Variants in ARHGEF1 observed in about 807,000 individuals in gnomAD.
ARHGEF1 encodes the protein Rho guanine nucleotide exchange factor 1, also known as 115 kDa guanine nucleotide exchange factor.
A neutral mutation model predicts 119.7 loss-of-function variants in ARHGEF1; 40 were observed. That is an observed-to-expected ratio of 0.33 (90% CI 0.26 to 0.44). The LOEUF (loss-of-function observed/expected upper bound fraction) is 0.44. Ranked by LOEUF, ARHGEF1 falls within the 20% of genes least tolerant of loss-of-function variation. The pLI, the probability that ARHGEF1 is intolerant of heterozygous loss-of-function variation, is 1.00. For synonymous variants in ARHGEF1, 494 were observed against 521.0 expected, an observed-to-expected ratio of 0.95 and a Z score of 0.71; for missense variants, 976 against 1,268.3, an observed-to-expected ratio of 0.77 and a Z score of 3.50.
chr19:41,913,208 C>T (rs1035794878), intron 18 of ARHGEF1, among the ~76,000 whole-genome samples: 1 of 151,872 alleles, frequency 6.6e-6, no homozygotes, highest in African/African-American at 2.4e-5. Flanking sequence ...CCGCTCCCAG[C>T]CTCCCTCCCC....
At position 41,902,132 on chromosome 19, in the gene ARHGEF1, A is replaced by T; in HGVS notation, c.1414+99A>T. The T allele has an allele frequency of 6.4e-7, 1 of 1,564,008 alleles. No homozygotes were observed. The highest frequency in any genetic ancestry group is 8.7e-7 in the Non-Finnish European group (1 of 1,146,972). ...CCTGCTCGGGAACCCCAGGGTTCAC[A>T]TGGGGTGGGGGCAGATACGCCATCC... On this transcript the variant is annotated intron_variant, in intron 15 of 28. Transcript: ENST00000354532. This position sits in a 1 kb window ranked among gnomAD's most constrained non-coding sequence, Gnocchi z 6.5.
chr19:41,905,947 G>A lies in ARHGEF1; in HGVS notation c.2413G>A (p.Glu805Lys), dbSNP rs376841668. ...TCTGTTCCCCAATCCAGCCCGGACC[G>A]AGAGAATCCTCAGTGACCTCCTGCC... ...RETSPADART[E>K]RILSDLLPFC... Residue 805 changes from glutamate to lysine, a missense_variant, in exon 26 of 29, where the codon GAG becomes AAG. Coordinates refer to ENST00000354532, the MANE Select transcript of ARHGEF1 (RefSeq NM_004706.4). This position sits in a 1 kb window ranked among gnomAD's most constrained non-coding sequence, Gnocchi z 6.4. 82 of 1,613,980 alleles carry A rather than the reference G, an allele frequency of 5.1e-5. No individual in the cohort carries two copies. Among genetic ancestry groups the A allele is most frequent in the Non-Finnish European group, 6.1e-5 (72 of 1,180,014 alleles).
downstream of ARHGEF1, among the ~76,000 whole-genome samples, chr19:41,908,847 C>A (rs1330196445): frequency 1.3e-5 from 2 of 151,226 alleles, no homozygotes; most frequent in Admixed American, 6.6e-5. This position sits in a 1 kb window ranked among gnomAD's most constrained non-coding sequence, Gnocchi z 6.7. Context: ...CCCCACTTGT[C>A]TTCCCATTCC....
rs2074647081 is a variant in ARHGEF1, at chr19:41,903,931, C to T, written c.1918-104C>T. ...CCCACCTCATGCCAATCCCATGATC[C>T]CCAGCCTGTGGTCATCCCCGGCCAC... On this transcript the variant is annotated intron_variant, in intron 20 of 28. Transcript: ENST00000354532. This position sits in a 1 kb window ranked among gnomAD's most constrained non-coding sequence, Gnocchi z 4.2. The T allele has an allele frequency of 2.9e-6, 4 of 1,385,558 alleles. No individual in the cohort carries two copies. The South Asian group carries it at 3.6e-5, about 13-fold the overall frequency. 85.8% of individuals were successfully genotyped at this position (1,385,558 alleles called of 1,614,324 possible).
Position 41,897,167 on chromosome 19 carries a change from G to A in ARHGEF1, c.1121+685G>A, listed in dbSNP as rs782681866. The A allele has an allele frequency of 1.8e-4, 127 of 694,762 alleles. No individual in the cohort carries two copies. The Middle Eastern group carries it at 2.1e-3, about 12-fold the overall frequency. The allele number at this position is 694,762 out of a possible 1,614,324, so 43.0% of individuals were successfully genotyped here. ...CCCCCACCCCTCTGCTCTGTGCCCTGGGGGCCCTGTCCCCCTTACAGCTGG... is the reference window on the plus strand; with the variant it reads ...CCCCCACCCCTCTGCTCTGTGCCCTAGGGGCCCTGTCCCCCTTACAGCTGG... On this transcript the variant is annotated intron_variant, in intron 13 of 28. Transcript: ENST00000354532.
chr19:41,902,265 C>A lies in ARHGEF1; in HGVS notation c.1415-9C>A, dbSNP rs1291220669. The A allele has an allele frequency of 3.7e-6, 6 of 1,614,026 alleles. No individual in the cohort carries two copies. Among genetic ancestry groups the A allele is most frequent in the Non-Finnish European group, 5.1e-6 (6 of 1,179,922 alleles). On this transcript the variant is annotated splice_polypyrimidine_tract_variant and intron_variant, in intron 15 of 28. Transcript: ENST00000354532. The surrounding 1 kb of genome is among the most constrained non-coding windows in gnomAD (Gnocchi z 6.5). Reference sequence around the variant, plus strand: ...CTGGTGGAGCATCCCTTTCCTCCTGCCCCCACAGCCCTGTTCCTCGATCGC... The same window carrying A: ...CTGGTGGAGCATCCCTTTCCTCCTGACCCCACAGCCCTGTTCCTCGATCGC...
downstream of ARHGEF1, among the ~76,000 whole-genome samples, chr19:41,911,708 A>T (rs1216118637): frequency 6.6e-6 from 1 of 152,038 alleles, no homozygotes; most frequent in East Asian, 1.9e-4. Context: ...AACACATCCT[A>T]CTGGGGAGGC....
At position 41,898,531 on chromosome 19, in the gene ARHGEF1, C is replaced by T. The variant is rs1042047121; in HGVS notation, c.1211C>T (p.Pro404Leu). The change falls in exon 14 of 29, where the codon CCA (proline) becomes CTA (leucine). Residue 404 changes from proline to leucine, a missense_variant. Coordinates refer to ENST00000354532, the MANE Select transcript of ARHGEF1 (RefSeq NM_004706.4). Reference protein sequence around the residue: ...EPPGWRELVPPDTLHSLPKSQ... With the variant: ...EPPGWRELVPLDTLHSLPKSQ... ...CCCGGCTGGCGGGAACTCGTCCCCC[C>T]AGACACCCTGCACAGCCTGCCCAAG... 6 of 1,568,158 alleles carry T rather than the reference C, an allele frequency of 3.8e-6. No homozygotes were observed. Among genetic ancestry groups the T allele is most frequent in the Non-Finnish European group, 4.3e-6 (5 of 1,156,872 alleles).
intron 1 of ARHGEF1, among the ~76,000 whole-genome samples, chr19:41,887,354 G>A (rs28521795): frequency 0.19 from 28,380 of 152,052 alleles, 7,416 homozygotes; most frequent in African/African-American, 0.58. Flanking sequence ...CAAGGCGCAC[G>A]TAGGGTGGAG....
At position 41,905,452 on chromosome 19, in the gene ARHGEF1, G is replaced by A. The variant is rs1232299675; in HGVS notation, c.2336+191G>A. ...ATATATAGTGTGTGTATGCATGCATGTGTGCGTGTGCATGTGTGTGCGTGT... is the reference window on the plus strand; with the variant it reads ...ATATATAGTGTGTGTATGCATGCATATGTGCGTGTGCATGTGTGTGCGTGT... On this transcript the variant is annotated intron_variant, in intron 24 of 28. Transcript: ENST00000354532. This position sits in a 1 kb window ranked among gnomAD's most constrained non-coding sequence, Gnocchi z 6.4. The A allele has an allele frequency of 3.2e-6, 2 of 622,572 alleles. No individual in the cohort carries two copies. Among genetic ancestry groups the A allele is most frequent in the Non-Finnish European group, 5.6e-6 (2 of 356,280 alleles). 38.6% of individuals were successfully genotyped at this position (622,572 alleles called of 1,614,324 possible). A position where few individuals can be genotyped will look rare whatever the true frequency, so the allele number is the denominator to read the frequency against.
intron 12 of ARHGEF1, 82 bp from the exon 13 acceptor site, chr19:41,896,294 GC>G: frequency 1.6e-6 from 1 of 628,414 alleles, no homozygotes; most frequent in Middle Eastern, 4.5e-4. Context: ...GGTAGCTTTA[GC>G]CCCCGCAATT....
intron 13 of ARHGEF1, chr19:41,897,889 T>C: frequency 7.8e-7 from 1 of 1,275,540 alleles, no homozygotes; most frequent in South Asian, 2.9e-5. Context: ...TGTCTTGGTC[T>C]CTCCTTGTCT....
In ARHGEF1 at chr19:41,903,904, C is replaced by T; in HGVS notation, c.1917+120C>T. The T allele has an allele frequency of 7.4e-7, 1 of 1,352,072 alleles. No individual in the cohort carries two copies. The highest frequency in any genetic ancestry group is 1.9e-5 in the Admixed American group (1 of 53,888). 83.8% of individuals were successfully genotyped at this position (1,352,072 alleles called of 1,614,324 possible). A position where few individuals can be genotyped will look rare whatever the true frequency, so the allele number is the denominator to read the frequency against. Reference sequence around the variant, plus strand: ...TACACCCAGGAAGCGAGAGCTCTGTCCCCCACCTCATGCCAATCCCATGAT... The same window carrying T: ...TACACCCAGGAAGCGAGAGCTCTGTTCCCCACCTCATGCCAATCCCATGAT... On this transcript the variant is annotated intron_variant, in intron 20 of 28. Transcript: ENST00000354532. This position sits in a 1 kb window ranked among gnomAD's most constrained non-coding sequence, Gnocchi z 4.2.
In ARHGEF1 at chr19:41,888,912, G is replaced by A; in HGVS notation, c.225+47G>A. 2 of 1,529,082 alleles carry A rather than the reference G, an allele frequency of 1.3e-6. No homozygotes were observed. The highest frequency in any genetic ancestry group is 9.0e-7 in the Non-Finnish European group (1 of 1,115,704). 94.7% of individuals were successfully genotyped at this position (1,529,082 alleles called of 1,614,324 possible). A position where few individuals can be genotyped will look rare whatever the true frequency, so the allele number is the denominator to read the frequency against. ...CACAGGGAGGGGTGGGGCTGGGACA[G>A]GCACAGCTTTTAGCGAATTAAACCA... is the stretch of plus-strand genomic sequence containing the variant. On this transcript the variant is annotated intron_variant, in intron 4 of 28. Transcript: ENST00000354532. This position sits in a 1 kb window ranked among gnomAD's most constrained non-coding sequence, Gnocchi z 5.1.
intron 13 of ARHGEF1, chr19:41,898,058 G>A (rs2074541617): frequency 8.9e-6 from 12 of 1,346,374 alleles, no homozygotes; most frequent in East Asian, 3.0e-5. Flanking sequence ...CCGGAGCGAC[G>A]TGGACATGGA....
intron 18 of ARHGEF1, among the ~76,000 whole-genome samples, chr19:41,913,749 C>G (rs782491991): frequency 1.3e-5 from 2 of 151,020 alleles, no homozygotes; most frequent in Non-Finnish European, 3.0e-5. Context: ...TACTCCATCC[C>G]CTCCTCACTC....
At chr19:41,915,542 T>A (rs949884060) in intron 18 of ARHGEF1, among the ~76,000 whole-genome samples, 2 of 151,514 alleles carry the variant, frequency 1.3e-5, no homozygotes, top group Non-Finnish European at 2.9e-5. Context: ...ATGTCTAGGG[T>A]CTCCACACCC....
In ARHGEF1 at chr19:41,902,276, C is replaced by T. The variant is rs2074616748; in HGVS notation, c.1417C>T (p.Leu473=). ...TCCCTTTCCTCCTGCCCCCACAGCC[C>T]TGTTCCTCGATCGCCTGATGAAGCG... ...SLDELIEVHS[L]FLDRLMKRRQ... Residue 473 remains leucine, a splice_region_variant and synonymous_variant, in exon 16 of 29, where the codon CTG becomes TTG. Transcript: ENST00000354532. The surrounding 1 kb of genome is among the most constrained non-coding windows in gnomAD (Gnocchi z 6.5). 6.2e-7 allele frequency: 1 copy of T among 1,614,108 alleles called. No individual in the cohort carries two copies. Among genetic ancestry groups the T allele is most frequent in the Admixed American group, 1.7e-5 (1 of 60,012 alleles).
At chr19:41,897,262 T>C in intron 13 of ARHGEF1, 1 of 1,277,308 alleles carries the variant, frequency 7.8e-7, no homozygotes, top group Non-Finnish European at 1.0e-6. Flanking sequence ...TGCGGGGAGG[T>C]GGGTCAGGTT....
Sources: gnomAD v4.1 joint callset for allele counts (sites outside exome capture counted in the v4.1 genomes callset) on GRCh38, gnomAD v4.1.1 for gene constraint, Gnocchi (gnomAD v3.1) non-coding constraint, MANE v1.5 for transcripts, NCBI Gene and HGNC (gene_info 2026-07-23, HGNC 2026-07-21) for gene names.